CDH18: variants seen among roughly 807,000 people sequenced by gnomAD.
CDH18 encodes the protein cadherin-18.
In CDH18, 31 loss-of-function variants were observed where a neutral mutation model predicts 67.9. The ratio of observed to expected loss-of-function variants is 0.46; its 90% CI spans 0.34 to 0.62. The LOEUF is 0.62. CDH18 is among the 20% of genes least tolerant of loss of function. CDH18 has a pLI of 0.01. For synonymous variants in CDH18, 362 were observed against 347.2 expected (o/e 1.04, Z -0.48); for missense variants, 890 against 975.5 (o/e 0.91, Z 1.17).
At chr5:19,704,525 G>A (rs1477831609) in intron 5 of CDH18, among the ~76,000 whole-genome samples, 2 of 152,094 alleles carry the variant, frequency 1.3e-5, no homozygotes, top group Non-Finnish European at 2.9e-5. Context: ...CCCTGGTATG[G>A]GACGAGGAAA....
intron 2 of CDH18, among the ~76,000 whole-genome samples, chr5:20,161,662 A>G (rs1482590863): frequency 6.6e-6 from 1 of 152,094 alleles, no homozygotes; most frequent in Non-Finnish European, 1.5e-5. Flanking sequence ...TTTGATTATA[A>G]TTTGATATTC....
chr5:20,139,368 A>C (rs1750037983), intron 2 of CDH18, among the ~76,000 whole-genome samples: 1 of 152,216 alleles, frequency 6.6e-6, no homozygotes, highest in East Asian at 1.9e-4. Flanking sequence ...AAACTCTAGA[A>C]GAAAACCCAG....
chr5:19,560,103 A>T (rs1389477231), intron 8 of CDH18, among the ~76,000 whole-genome samples: 6 of 151,960 alleles, frequency 3.9e-5, no homozygotes, highest in Non-Finnish European at 8.8e-5. Flanking sequence ...GCAATCTACA[A>T]ATTCAATGCA....
intron 8 of CDH18, among the ~76,000 whole-genome samples, chr5:19,569,951 A>G (rs1003516711): frequency 1.3e-5 from 2 of 152,148 alleles, no homozygotes; most frequent in African/African-American, 4.8e-5. Context: ...TTTTTAAATA[A>G]TTACAGAAAT....
At chr5:20,263,156 C>G (rs1744788053) in intron 1 of CDH18, among the ~76,000 whole-genome samples, 1 of 151,986 alleles carries the variant, frequency 6.6e-6, no homozygotes, top group Admixed American at 6.6e-5. Flanking sequence ...ATTCATTGTG[C>G]AGAAATCAGA....
chr5:20,365,345 C>T (rs568983816), intron 1 of CDH18, among the ~76,000 whole-genome samples: 138 of 152,234 alleles, frequency 9.1e-4, no homozygotes, highest in Non-Finnish European at 1.5e-3. Context: ...CTCCAAATAC[C>T]ATCACATTAG....
chr5:20,308,292 C>T (rs1241813372), intron 1 of CDH18, among the ~76,000 whole-genome samples: 1 of 152,008 alleles, frequency 6.6e-6, no homozygotes, highest in Non-Finnish European at 1.5e-5. Flanking sequence ...ACTGTAATCC[C>T]AGCACTTTGG....
intron 10 of CDH18, 125 bp downstream of exon 10, chr5:19,520,532 G>T: frequency 1.3e-6 from 1 of 777,640 alleles, no homozygotes; most frequent in Non-Finnish European, 1.9e-6. Flanking sequence ...AAAGCTTTAT[G>T]AAATTATTTC....
At chr5:20,435,516 A>G (rs548021187) in intron 1 of CDH18, among the ~76,000 whole-genome samples, 36 of 152,072 alleles carry the variant, frequency 2.4e-4, no homozygotes, top group Admixed American at 9.2e-4. Context: ...AGAAACCTCA[A>G]TTGTGGGTAA....
At chr5:20,424,360 T>C (rs368470863) in intron 1 of CDH18, among the ~76,000 whole-genome samples, 2 of 150,718 alleles carry the variant, frequency 1.3e-5, no homozygotes, top group East Asian at 3.9e-4. Context: ...ATCATACAAA[T>C]GTGAAGGAAA....
intron 2 of CDH18, among the ~76,000 whole-genome samples, chr5:20,172,766 G>C (rs771490042): frequency 1.3e-5 from 2 of 151,986 alleles, no homozygotes; most frequent in Non-Finnish European, 2.9e-5. Flanking sequence ...CAAGGCAGGC[G>C]GATCACCTGA....
chr5:20,165,898 A>G (rs971936968), intron 2 of CDH18, among the ~76,000 whole-genome samples: 1 of 152,098 alleles, frequency 6.6e-6, no homozygotes, highest in Admixed American at 6.5e-5. Context: ...ATTTTTTCAC[A>G]ATACAATTTT....
At chr5:19,711,317 G>C (rs963545611) in intron 5 of CDH18, among the ~76,000 whole-genome samples, 4 of 151,980 alleles carry the variant, frequency 2.6e-5, no homozygotes, top group Admixed American at 1.3e-4. Context: ...TTTCAGAATG[G>C]GAGAAAATAC....
At chr5:20,123,227 A>G (rs1748517935) in intron 2 of CDH18, among the ~76,000 whole-genome samples, 1 of 152,154 alleles carries the variant, frequency 6.6e-6, no homozygotes, top group African/African-American at 2.4e-5. Context: ...AAGATGCCTC[A>G]CAGATTCTGC....
intron 2 of CDH18, among the ~76,000 whole-genome samples, chr5:20,157,742 A>C (rs936917173): frequency 6.6e-5 from 10 of 151,472 alleles, no homozygotes; most frequent in African/African-American, 2.2e-4. Flanking sequence ...TCCTGGATTC[A>C]AGTGATTCTC....
At chr5:20,303,465 G>T (rs557177730) in intron 1 of CDH18, among the ~76,000 whole-genome samples, 1 of 152,124 alleles carries the variant, frequency 6.6e-6, no homozygotes, top group Non-Finnish European at 1.5e-5. Context: ...CAGCCCACAG[G>T]GTTACAGGCC....
intron 3 of CDH18, among the ~76,000 whole-genome samples, chr5:19,832,843 T>C (rs975770152): frequency 6.6e-6 from 1 of 152,088 alleles, no homozygotes; most frequent in African/African-American, 2.4e-5. Flanking sequence ...GTTGCAGATG[T>C]GTGGTGTTAT....
intron 11 of CDH18, among the ~76,000 whole-genome samples, chr5:19,486,947 T>C (rs1579735976): frequency 6.6e-6 from 1 of 152,208 alleles, no homozygotes; most frequent in Admixed American, 6.5e-5. Flanking sequence ...CAATCTCTAA[T>C]AATGTGCACC....
At chr5:20,327,350 T>G (rs983383020) in intron 1 of CDH18, among the ~76,000 whole-genome samples, 3 of 152,216 alleles carry the variant, frequency 2.0e-5, no homozygotes. Flanking sequence ...CAAATGACAG[T>G]GCCTAATTGA....
Sources: allele counts gnomAD v4.1 joint callset (sites outside exome capture counted in the v4.1 genomes callset), GRCh38; gene constraint gnomAD v4.1.1; transcripts MANE v1.5; gene names NCBI Gene and HGNC (gene_info 2026-07-23, HGNC 2026-07-21).